Variants in C20orf202 observed in about 807,000 individuals in gnomAD.
C20orf202 encodes uncharacterized protein C20orf202.
C20orf202 carries 5 observed loss-of-function variants against 5.3 expected under a neutral mutation model. The observed-to-expected ratio is 0.94, with a 90% CI of 0.49 to 1.98. C20orf202 has a LOEUF of 1.98. C20orf202 is among the 30% of genes most tolerant of loss of function. The probability of loss-of-function intolerance (pLI) is 0.01; values close to 1 mark genes in which losing one functional copy is unlikely to be tolerated. For missense variants in C20orf202, 135 were observed against 123.5 expected, an observed-to-expected ratio of 1.09 and a Z score of -0.44; for synonymous variants, 48 against 50.0, an observed-to-expected ratio of 0.96 and a Z score of 0.16.
rs1439267443 is a variant in C20orf202 at position 1,207,114 on chromosome 20, T to A, written c.*12T>A. ...GCTCTCTCCCTTAACTGGACGGAGA[T>A]GACACTGGGCTTTAACACTCTCCCC... On this transcript the variant is annotated 3_prime_UTR_variant, in exon 2 of 2. Transcript: ENST00000400633. 27 of 1,453,992 alleles carry A rather than the reference T, an allele frequency of 1.9e-5. No individual in the cohort carries two copies. The highest frequency in any genetic ancestry group is 2.4e-5 in the Non-Finnish European group (26 of 1,085,602). The allele number at this position is 1,453,992 out of a possible 1,614,324, so 90.1% of individuals were successfully genotyped here. A position where few individuals can be genotyped will look rare whatever the true frequency, so the allele number is the denominator to read the frequency against.
intron 1 of C20orf202, among the ~76,000 whole-genome samples, chr20:1,204,400 A>G (rs984564125): frequency 2.6e-5 from 4 of 152,148 alleles, no homozygotes; most frequent in Admixed American, 2.6e-4. Flanking sequence ...GAGGAAATTC[A>G]TCTGCCCAGC....
chr20:1,207,323 T>C lies in C20orf202; in HGVS notation c.*221T>C, dbSNP rs1352751167. The C allele has an allele frequency of 4.6e-6, 2 of 439,100 alleles. No homozygotes were observed. Among genetic ancestry groups the C allele is most frequent in the Admixed American group, 3.8e-5 (1 of 26,342 alleles). 27.2% of individuals were successfully genotyped at this position (439,100 alleles called of 1,614,324 possible). ...ATTTCTTGGTGAGGCACACATAAGG[T>C]ATTGGATGTGAACACACTTTTCGAC... On this transcript the variant is annotated 3_prime_UTR_variant, in exon 2 of 2. Transcript: ENST00000400633.
In C20orf202 at chr20:1,206,859, T is replaced by C; in HGVS notation, c.67-10T>C. 9 of 1,504,662 alleles carry C rather than the reference T, an allele frequency of 6.0e-6. No homozygotes were observed. Among genetic ancestry groups the C allele is most frequent in the Non-Finnish European group, 8.1e-6 (9 of 1,114,018 alleles). The allele number at this position is 1,504,662 out of a possible 1,614,324, so 93.2% of individuals were successfully genotyped here. A position where few individuals can be genotyped will look rare whatever the true frequency, so the allele number is the denominator to read the frequency against. On this transcript the variant is annotated splice_polypyrimidine_tract_variant and intron_variant, in intron 1 of 1. Transcript: ENST00000400633. ...CACGCATCCCCTCACAGGCTCCTTC[T>C]CTCTCCTAGTCTGAGATGCAGATTC... is the stretch of plus-strand genomic sequence containing the variant.
At chr20:1,204,824 C>T (rs935430005) in intron 1 of C20orf202, among the ~76,000 whole-genome samples, 2 of 152,234 alleles carry the variant, frequency 1.3e-5, no homozygotes, top group East Asian at 3.9e-4. Flanking sequence ...CAGCTTCCCA[C>T]AGTCAGCAGG....
chr20:1,206,953 G>A lies in C20orf202; in HGVS notation c.151G>A (p.Ala51Thr), dbSNP rs899191175. 14 of 1,551,638 alleles carry A rather than the reference G, an allele frequency of 9.0e-6. No homozygotes were observed. Among genetic ancestry groups the A allele is most frequent in the South Asian group, 1.2e-5 (1 of 84,044 alleles). Residue 51 changes from alanine (A) to threonine (T), a missense_variant, in exon 2 of 2, where the codon GCC becomes ACC. Transcript: ENST00000400633. ...CCTGGAGGAGCTGCGTGCGGACAGC[G>A]CCCACTGGGAGGACGCCAGGTCCAG... The part of the protein sequence containing the change: ...SVLEELRADS[A>T]HWEDARSSGG...
In C20orf202 at chr20:1,207,201, C is replaced by T; in HGVS notation, c.*99C>T. On this transcript the variant is annotated 3_prime_UTR_variant, in exon 2 of 2. Transcript: ENST00000400633. ...GAGTGTTGGAATGGGAGTCAGAAAG[C>T]CAGGGCTCTGGGTTCATTTCTGCCC... is the stretch of plus-strand genomic sequence containing the variant. 1.1e-6 allele frequency: 1 copy of T among 869,686 alleles called. No homozygotes were observed. 53.9% of individuals were successfully genotyped at this position (869,686 alleles called of 1,614,324 possible). A position where few individuals can be genotyped will look rare whatever the true frequency, so the allele number is the denominator to read the frequency against.
chr20:1,207,257 T>C lies in C20orf202; in HGVS notation c.*155T>C. The C allele has an allele frequency of 2.0e-6, 1 of 508,426 alleles. No homozygotes were observed. Among genetic ancestry groups the C allele is most frequent in the East Asian group, 3.1e-5 (1 of 32,690 alleles). The allele number at this position is 508,426 out of a possible 1,614,324, so 31.5% of individuals were successfully genotyped here. A position where few individuals can be genotyped will look rare whatever the true frequency, so the allele number is the denominator to read the frequency against. On this transcript the variant is annotated 3_prime_UTR_variant, in exon 2 of 2. Coordinates refer to ENST00000400633, the MANE Select transcript of C20orf202 (RefSeq NM_001394958.1). Reference sequence around the variant, plus strand: ...TGCTGTGCATCCCTGGATCTGTCACTCAGCTTCTCTGTGTCTCTGGTTCCT... The same window carrying C: ...TGCTGTGCATCCCTGGATCTGTCACCCAGCTTCTCTGTGTCTCTGGTTCCT...
At chr20:1,203,730 C>T (rs1278528841) in intron 1 of C20orf202, 79 bp downstream of exon 1, 1 of 1,461,082 alleles carries the variant, frequency 6.8e-7, no homozygotes, top group Non-Finnish European at 9.1e-7. Flanking sequence ...CCCGGGTCCC[C>T]CCTGGGGCAG....
Position 1,208,402 on chromosome 20 carries a change from T to G in C20orf202, c.*1300T>G, listed in dbSNP as rs1192696065. The G allele has an allele frequency of 6.6e-6, 1 of 152,202 alleles. No homozygotes were observed. Among genetic ancestry groups the G allele is most frequent in the Admixed American group, 6.5e-5 (1 of 15,280 alleles). 9.4% of individuals were successfully genotyped at this position (152,202 alleles called of 1,614,324 possible). A position where few individuals can be genotyped will look rare whatever the true frequency, so the allele number is the denominator to read the frequency against. ...GAGGCAGAGTGGAGGGGGTGCATTA[T>G]AAGTATAATGTTTGTAGTCAGATCA... On this transcript the variant is annotated 3_prime_UTR_variant, in exon 2 of 2. Transcript: ENST00000400633.
chr20:1,205,225 C>T (rs2087126828), intron 1 of C20orf202, among the ~76,000 whole-genome samples: 1 of 151,996 alleles, frequency 6.6e-6, no homozygotes, highest in Non-Finnish European at 1.5e-5. Context: ...CCTGCCTCGG[C>T]CTCCCTAGTA....
chr20:1,205,010 A>G (rs1240305684), intron 1 of C20orf202, among the ~76,000 whole-genome samples: 1 of 152,166 alleles, frequency 6.6e-6, no homozygotes, highest in African/African-American at 2.4e-5. Flanking sequence ...TTTTCTGAGG[A>G]ATTAGGAAAA....
In C20orf202 at chr20:1,207,895, T is replaced by G. The variant is rs555677663; in HGVS notation, c.*793T>G. The G allele has an allele frequency of 4.7e-4, 71 of 151,604 alleles. No homozygotes were observed. Among genetic ancestry groups the G allele is most frequent in the African/African-American group, 1.6e-3 (66 of 41,288 alleles). 9.4% of individuals were successfully genotyped at this position (151,604 alleles called of 1,614,324 possible). Reference sequence around the variant, plus strand: ...GCGCTGGCTCTTTTTGGTCCCTGGTTTTAGGTCCTAGTTTTGTGAGTTACT... The same window carrying G: ...GCGCTGGCTCTTTTTGGTCCCTGGTGTTAGGTCCTAGTTTTGTGAGTTACT... On this transcript the variant is annotated 3_prime_UTR_variant, in exon 2 of 2. Transcript: ENST00000400633.
At chr20:1,204,317 A>G (rs763303653) in intron 1 of C20orf202, among the ~76,000 whole-genome samples, 24 of 152,138 alleles carry the variant, frequency 1.6e-4, no homozygotes, top group Non-Finnish European at 3.4e-4. Context: ...AAGGAGGCCC[A>G]GTGGGTGTCT....
rs563174003 is a variant in C20orf202, at chr20:1,208,111, A to G, written c.*1009A>G. On this transcript the variant is annotated 3_prime_UTR_variant, in exon 2 of 2. Coordinates refer to ENST00000400633, the MANE Select transcript of C20orf202 (RefSeq NM_001394958.1). ...CAATATGAAAATGGCATTTCATTCA[A>G]TGAGGGTTTGTGACAACAACCTCCG... 4.6e-5 allele frequency: 7 copies of G among 152,334 alleles called. No homozygotes were observed. The East Asian group carries it at 1.2e-3, about 25-fold the overall frequency. The allele number at this position is 152,334 out of a possible 1,614,324, so 9.4% of individuals were successfully genotyped here.
chr20:1,204,054 A>G (rs2087121750), intron 1 of C20orf202, among the ~76,000 whole-genome samples: 1 of 152,080 alleles, frequency 6.6e-6, no homozygotes, highest in Non-Finnish European at 1.5e-5. Flanking sequence ...CTCTTAATGA[A>G]TACTTGGCAC....
intron 1 of C20orf202, among the ~76,000 whole-genome samples, chr20:1,206,555 GC>G (rs2087132210): frequency 6.6e-6 from 1 of 152,146 alleles, no homozygotes. Flanking sequence ...TCCATGGTAT[GC>G]TCATAAGAAA....
In C20orf202 at chr20:1,207,278, T is replaced by C; in HGVS notation, c.*176T>C. ...TCACTCAGCTTCTCTGTGTCTCTGG[T>C]TCCTTTTCTGTCACTTGGGATTTCT... On this transcript the variant is annotated 3_prime_UTR_variant, in exon 2 of 2. Coordinates refer to ENST00000400633, the MANE Select transcript of C20orf202 (RefSeq NM_001394958.1). 2.1e-6 allele frequency: 1 copy of C among 482,342 alleles called. No homozygotes were observed. Among genetic ancestry groups the C allele is most frequent in the Non-Finnish European group, 3.7e-6 (1 of 267,580 alleles). 29.9% of individuals were successfully genotyped at this position (482,342 alleles called of 1,614,324 possible).
In C20orf202 at chr20:1,208,528, T is replaced by A. The variant is rs2087142496; in HGVS notation, c.*1426T>A. 6.6e-6 allele frequency among the ~76,000 whole-genome samples: 1 copy of A among 152,116 alleles called. No homozygotes were observed. Among genetic ancestry groups the A allele is most frequent in the South Asian group, 2.1e-4 (1 of 4,832 alleles). On this transcript the variant is annotated 3_prime_UTR_variant, in exon 2 of 2. Coordinates refer to ENST00000400633, the MANE Select transcript of C20orf202 (RefSeq NM_001394958.1). ...TTTTGGTGTTACCAGCTGCTCCCTGTTAGAGTTTGTTAGGCTTTGCCAATA... is the reference window on the plus strand; with the variant it reads ...TTTTGGTGTTACCAGCTGCTCCCTGATAGAGTTTGTTAGGCTTTGCCAATA...
chr20:1,206,725 A>G (rs1260368951), intron 1 of C20orf202, 144 bp from the exon 2 acceptor site: 3 of 496,532 alleles, frequency 6.0e-6, no homozygotes, highest in Non-Finnish European at 7.1e-6. Flanking sequence ...AGAGCAAGAA[A>G]CTGAGGCATT....
Sources: allele counts gnomAD v4.1 joint callset (sites outside exome capture counted in the v4.1 genomes callset), GRCh38; gene constraint gnomAD v4.1.1; transcripts MANE v1.5; gene names NCBI Gene and HGNC (gene_info 2026-07-23, HGNC 2026-07-21).